Variants in LRMDA observed in about 807,000 individuals in gnomAD.
The protein encoded by LRMDA is leucine rich melanocyte differentiation associated.
A neutral mutation model predicts 29.8 loss-of-function variants in LRMDA; 18 were observed. That is an observed-to-expected ratio of 0.60 (90% CI 0.42 to 0.90). The LOEUF (loss-of-function observed/expected upper bound fraction) is 0.90. Ranked by LOEUF, LRMDA falls within the 40% of genes least tolerant of loss-of-function variation. The pLI is 0.00. For synonymous variants in LRMDA, 125 were observed against 109.4 expected (o/e 1.14, Z -0.89); for missense variants, 273 against 273.9 (o/e 1.00, Z 0.02).
chr10:75,609,650 T>G (rs1364907788), intron 2 of LRMDA, among the ~76,000 whole-genome samples: 2 of 152,144 alleles, frequency 1.3e-5, no homozygotes, highest in Non-Finnish European at 2.9e-5. Context: ...ACAGGTGTAG[T>G]GCATTGGAAG....
At chr10:75,531,279 G>A (rs575593055) in intron 2 of LRMDA, among the ~76,000 whole-genome samples, 3 of 152,296 alleles carry the variant, frequency 2.0e-5, no homozygotes, top group African/African-American at 7.2e-5. Flanking sequence ...AGGTGGTCGA[G>A]GAGAACTTGT....
intron 2 of LRMDA, among the ~76,000 whole-genome samples, chr10:75,788,573 A>G (rs913239879): frequency 6.6e-6 from 1 of 152,208 alleles, no homozygotes; most frequent in Admixed American, 6.5e-5. Context: ...CAATTGTTAC[A>G]TTTGCCAGAG....
chr10:75,735,837 C>T (rs1390149667), intron 2 of LRMDA, among the ~76,000 whole-genome samples: 1 of 152,226 alleles, frequency 6.6e-6, no homozygotes, highest in African/African-American at 2.4e-5. Flanking sequence ...TATCCTAACT[C>T]ATTTTATCTA....
intron 2 of LRMDA, among the ~76,000 whole-genome samples, chr10:76,001,150 G>C (rs1009012628): frequency 6.6e-6 from 1 of 152,092 alleles, no homozygotes; most frequent in African/African-American, 2.4e-5. Flanking sequence ...AAATTCTTTC[G>C]CATTGTCTGG....
rs530642986 is a variant in LRMDA at position 75,784,301 on chromosome 10, T to C, written c.132-251707T>C. Among the ~76,000 whole-genome samples, 3 of 152,340 alleles carry C rather than the reference T, an allele frequency of 2.0e-5. No individual in the cohort carries two copies. The East Asian group carries it at 5.8e-4, about 29-fold the overall frequency. On this transcript the variant is annotated intron_variant, in intron 2 of 6. Transcript: ENST00000611255. ...TAGTAATAGGGTTATCTTACAGTGT[T>C]GTTAGGATGATTGAATTAGTATATA...
chr10:75,511,016 T>C (rs78222640), intron 2 of LRMDA, among the ~76,000 whole-genome samples: 1,897 of 152,156 alleles, frequency 0.012, 37 homozygotes, highest in African/African-American at 0.043. Context: ...ACCTACTGTA[T>C]TGATTTGGGA....
chr10:75,981,785 G>T (rs1286591033), intron 2 of LRMDA, among the ~76,000 whole-genome samples: 1 of 151,568 alleles, frequency 6.6e-6, no homozygotes, highest in Non-Finnish European at 1.5e-5. Flanking sequence ...GTGGGAAGTG[G>T]AGGTTGCAGT....
chr10:75,674,632 T>C (rs1841939773), intron 2 of LRMDA, among the ~76,000 whole-genome samples: 1 of 152,360 alleles, frequency 6.6e-6, no homozygotes, highest in African/African-American at 2.4e-5. Context: ...TTCTGTTCAC[T>C]TAGAAGTACT....
At chr10:75,802,965 TA>T (rs1225477501) in intron 2 of LRMDA, among the ~76,000 whole-genome samples, 5 of 127,884 alleles carry the variant, frequency 3.9e-5, no homozygotes, top group African/African-American at 1.8e-4. Context: ...TATATATATA[TA>T]TATATATTTT....
intron 2 of LRMDA, among the ~76,000 whole-genome samples, chr10:75,748,156 T>G (rs1191393233): frequency 6.6e-6 from 1 of 152,108 alleles, no homozygotes; most frequent in African/African-American, 2.4e-5. Flanking sequence ...TGCAGTGGCA[T>G]CATCTCAGCT....
At chr10:76,172,837 C>A (rs1850862981) in intron 5 of LRMDA, among the ~76,000 whole-genome samples, 1 of 152,038 alleles carries the variant, frequency 6.6e-6, no homozygotes, top group Admixed American at 6.6e-5. Context: ...TTTTCTTTGT[C>A]CCAGAAATAA....
In LRMDA at chr10:76,416,455, A is replaced by G. The variant is rs371744315; in HGVS notation, c.601+91970A>G. On this transcript the variant is annotated intron_variant, in intron 6 of 6. Transcript: ENST00000611255. The stretch of plus-strand genomic sequence containing the variant: ...CTTTTTTGTCCTAATCTTTAGAATA[A>G]TATATTACCTACTATGCTGCCTTTT... Among the ~76,000 whole-genome samples the G allele has an allele frequency of 1.8e-4, 27 of 152,374 alleles. 1 individual carries two copies. The East Asian group carries it at 3.3e-3, about 18-fold the overall frequency.
rs901015973 is a variant in LRMDA, at chr10:76,073,161, A to G, written c.516+14378A>G. Among the ~76,000 whole-genome samples, 24 of 152,222 alleles carry G rather than the reference A, an allele frequency of 1.6e-4. 1 individual carries two copies. The highest frequency in any genetic ancestry group is 1.6e-3 in the Admixed American group (24 of 15,286). On this transcript the variant is annotated intron_variant, in intron 5 of 6. Coordinates refer to ENST00000611255, the MANE Select transcript of LRMDA (RefSeq NM_001305581.2). Reference sequence around the variant, plus strand: ...GTTATCAAAGATGAAAAGACCAAGGAACCACTTCATTTTGTTTTGTTTTGT... The same window carrying G: ...GTTATCAAAGATGAAAAGACCAAGGGACCACTTCATTTTGTTTTGTTTTGT...
At chr10:75,794,100 G>T (rs73290579) in intron 2 of LRMDA, among the ~76,000 whole-genome samples, 6,566 of 152,270 alleles carry the variant, frequency 0.043, 379 homozygotes, top group African/African-American at 0.13. Flanking sequence ...TGGTTTGGGG[G>T]CTATTTGTTA....
intron 2 of LRMDA, among the ~76,000 whole-genome samples, chr10:75,475,988 A>G (rs1360587678): frequency 1.3e-5 from 2 of 152,202 alleles, no homozygotes; most frequent in Non-Finnish European, 2.9e-5. Context: ...TCTTTCCCAC[A>G]TGGTTGACTC....
intron 6 of LRMDA, among the ~76,000 whole-genome samples, chr10:76,517,275 A>G (rs924446786): frequency 6.6e-6 from 1 of 152,170 alleles, no homozygotes; most frequent in East Asian, 1.9e-4. Context: ...GATAAACTTA[A>G]AAGCCCCACC....
At chr10:76,224,891 G>T (rs550581021) in intron 5 of LRMDA, among the ~76,000 whole-genome samples, 33 of 151,602 alleles carry the variant, frequency 2.2e-4, no homozygotes, top group African/African-American at 7.5e-4. Context: ...TCCAAGTTTT[G>T]GATGCTTTTT....
chr10:75,747,688 T>C (rs1266861453), intron 2 of LRMDA, among the ~76,000 whole-genome samples: 1 of 152,166 alleles, frequency 6.6e-6, no homozygotes, highest in African/African-American at 2.4e-5. Context: ...GGTCATAGGG[T>C]TCTAAAATTA....
At chr10:76,046,535 C>T (rs1464276076) in intron 3 of LRMDA, among the ~76,000 whole-genome samples, 1 of 152,098 alleles carries the variant, frequency 6.6e-6, no homozygotes, top group Non-Finnish European at 1.5e-5. Flanking sequence ...CTCGCTCTGT[C>T]ACCTGGGGGC....
Sources: allele counts gnomAD v4.1 joint callset (sites outside exome capture counted in the v4.1 genomes callset), GRCh38; gene constraint gnomAD v4.1.1; transcripts MANE v1.5; gene names NCBI Gene and HGNC (gene_info 2026-07-23, HGNC 2026-07-21).